MICAL3: variants seen among roughly 807,000 people sequenced by gnomAD.
MICAL3 encodes the protein [F-actin]-monooxygenase MICAL3.
A neutral mutation model predicts 207.4 loss-of-function variants in MICAL3; 62 were observed. The ratio of observed to expected loss-of-function variants is 0.30; its 90% CI spans 0.24 to 0.37. The LOEUF (loss-of-function observed/expected upper bound fraction) is 0.37. Among genes scored for constraint, MICAL3 ranks in the 10% least tolerant of loss-of-function variants. The pLI is 1.00. For synonymous variants in MICAL3, 1,077 were observed against 1,069.3 expected (o/e 1.01, Z -0.14); for missense variants, 2,368 against 2,635.6 (o/e 0.90, Z 2.22).
chr22:17,822,244 G>A (rs1025400672), intron 23 of MICAL3, 74 bp from the exon 24 acceptor site: 16 of 1,519,310 alleles, frequency 1.1e-5, no homozygotes, highest in Admixed American at 7.9e-5. Flanking sequence ...GAGAGCAGCC[G>A]CGCCACTTGC....
intron 1 of MICAL3, among the ~76,000 whole-genome samples, chr22:17,982,980 G>A (rs1935994301): frequency 6.6e-6 from 1 of 152,128 alleles, no homozygotes; most frequent in African/African-American, 2.4e-5. Context: ...AGTCCAAAAA[G>A]TACCTCAGAA....
At chr22:17,890,588 C>T (rs1349280609) in intron 12 of MICAL3, among the ~76,000 whole-genome samples, 3 of 152,206 alleles carry the variant, frequency 2.0e-5, no homozygotes, top group Non-Finnish European at 4.4e-5. Flanking sequence ...CACCAGAAAT[C>T]CCCATTTGTA....
chr22:17,929,663 G>C (rs575473472), intron 1 of MICAL3, among the ~76,000 whole-genome samples: 46 of 145,162 alleles, frequency 3.2e-4, no homozygotes, highest in African/African-American at 1.1e-3. Context: ...CGCCTCCCGG[G>C]TTCATGCCAT....
chr22:17,979,388 T>C (rs1486378322), intron 1 of MICAL3, among the ~76,000 whole-genome samples: 2 of 151,574 alleles, frequency 1.3e-5, no homozygotes, highest in African/African-American at 4.9e-5. Context: ...CTACTAAAAA[T>C]ACAAAAATTA....
At chr22:17,867,237 G>C (rs1179966985) in intron 17 of MICAL3, among the ~76,000 whole-genome samples, 1 of 99,604 alleles carries the variant, frequency 1.0e-5, no homozygotes. Context: ...TACTTTCTCA[G>C]ACAGAATGTT....
At chr22:17,996,978 C>G (rs924492844) in intron 1 of MICAL3, among the ~76,000 whole-genome samples, 4 of 151,474 alleles carry the variant, frequency 2.6e-5, no homozygotes, top group African/African-American at 7.2e-5. Context: ...GTCAGAGTAT[C>G]ACTCATTTCC....
chr22:17,902,338 T>C lies in MICAL3; in HGVS notation c.589+293A>G, dbSNP rs763998243. Among the ~76,000 whole-genome samples the C allele has an allele frequency of 3.3e-5, 5 of 152,202 alleles. No individual in the cohort carries two copies. The highest frequency in any genetic ancestry group is 9.6e-5 in the African/African-American group (4 of 41,454). On this transcript the variant is annotated intron_variant, in intron 4 of 31. Transcript: ENST00000441493. This position sits in a 1 kb window ranked among gnomAD's most constrained non-coding sequence, Gnocchi z 4.5. The stretch of plus-strand genomic sequence containing the variant: ...GCTCAGAGGTCACAGTGAGCCAAGA[T>C]TGAGCTACCGCACTCCAGGCTAGGC...
At position 17,906,664 on chromosome 22, in the gene MICAL3, T is replaced by C. The variant is rs747818071; in HGVS notation, c.149A>G (p.Tyr50Cys). Residue 50 changes from tyrosine (Y) to cysteine (C), a missense_variant, in exon 2 of 32, where the codon TAT becomes TGT. By Grantham distance (194) the Tyr-to-Cys change is radical. Coordinates refer to ENST00000441493, the MANE Select transcript of MICAL3 (RefSeq NM_015241.3). Reference sequence around the variant, plus strand: ...GTTAAGCTTGGACTTGAGCTTGTGATAGAAGGAGCGGTAGTCCTTTGGCTT... The same window carrying C: ...GTTAAGCTTGGACTTGAGCTTGTGACAGAAGGAGCGGTAGTCCTTTGGCTT... ...ELKPKDYRSF[Y>C]HKLKSKLNYW... The C allele has an allele frequency of 1.7e-5, 27 of 1,613,980 alleles. No individual in the cohort carries two copies. The highest frequency in any genetic ancestry group is 3.3e-5 in the Admixed American group (2 of 60,028).
intron 29 of MICAL3, among the ~76,000 whole-genome samples, chr22:17,799,119 C>T (rs887710161): frequency 6.6e-6 from 1 of 152,162 alleles, no homozygotes. Context: ...TGCGGTGGCT[C>T]ACACCTGTAA....
chr22:17,789,308 CAT>C lies in MICAL3; in HGVS notation c.*1422_*1423del, dbSNP rs1040505994. The C allele has an allele frequency of 7.9e-5, 12 of 152,272 alleles. No individual in the cohort carries two copies. The highest frequency in any genetic ancestry group is 1.4e-4 in the African/African-American group (6 of 41,456). 9.4% of individuals were successfully genotyped at this position (152,272 alleles called of 1,614,324 possible). On this transcript the variant is annotated 3_prime_UTR_variant, in exon 32 of 32. Transcript: ENST00000441493. The stretch of plus-strand genomic sequence containing the variant: ...GGGAGGAGGGAATTCTCACCAGCCA[CAT>C]GATTCCAGGGTCCCACCTTGCACCC...
At position 17,863,830 on chromosome 22, in the gene MICAL3, C is replaced by G. The variant is rs1265213703; in HGVS notation, c.2605+1069G>C. 3 of 985,358 alleles carry G rather than the reference C, an allele frequency of 3.0e-6. No individual in the cohort carries two copies. The East Asian group carries it at 3.4e-4, about 112-fold the overall frequency. 61.0% of individuals were successfully genotyped at this position (985,358 alleles called of 1,614,324 possible). A position where few individuals can be genotyped will look rare whatever the true frequency, so the allele number is the denominator to read the frequency against. The stretch of plus-strand genomic sequence containing the variant: ...CCAAATGGGTAATTCTCTTGTCCCA[C>G]CATGGAAATTCTATGACCAACTCCT... On this transcript the variant is annotated intron_variant, in intron 19 of 31. Coordinates refer to ENST00000441493, the MANE Select transcript of MICAL3 (RefSeq NM_015241.3).
At chr22:17,877,045 T>TGGAGGTTAG (rs1229150205) in intron 16 of MICAL3, among the ~76,000 whole-genome samples, 1 of 69,504 alleles carries the variant, frequency 1.4e-5, no homozygotes, top group Non-Finnish European at 3.0e-5. Context: ...AGGGAGGTTA[T>TGGAGGTTAG]GGAGGTTAGG....
chr22:17,853,199 C>A (rs1231554048), intron 19 of MICAL3, among the ~76,000 whole-genome samples: 1 of 152,198 alleles, frequency 6.6e-6, no homozygotes, highest in Non-Finnish European at 1.5e-5. Flanking sequence ...ACATCCCATT[C>A]ACGCAGGCTG....
At chr22:17,972,587 G>A (rs965490742) in intron 1 of MICAL3, among the ~76,000 whole-genome samples, 11 of 152,264 alleles carry the variant, frequency 7.2e-5, no homozygotes, top group African/African-American at 2.6e-4. Context: ...GGCCTTGGAG[G>A]CAGAAGGAAG....
Position 17,841,646 on chromosome 22 carries a change from G to A in MICAL3, c.2801+176C>T. On this transcript the variant is annotated intron_variant, in intron 20 of 31. Transcript: ENST00000441493. The surrounding 1 kb of genome is among the most constrained non-coding windows in gnomAD (Gnocchi z 4.2). ...TCTCTGAATTGAGTCTGATGGAGGA[G>A]TCCTCACTGACTAGAAGATGAGGCT... is the stretch of plus-strand genomic sequence containing the variant. 1.6e-6 allele frequency: 1 copy of A among 621,544 alleles called. No homozygotes were observed. Among genetic ancestry groups the A allele is most frequent in the Non-Finnish European group, 2.8e-6 (1 of 352,656 alleles). 38.5% of individuals were successfully genotyped at this position (621,544 alleles called of 1,614,324 possible). A position where few individuals can be genotyped will look rare whatever the true frequency, so the allele number is the denominator to read the frequency against.
At chr22:17,877,036 GGGAGGTTAT>G (rs202069342) in intron 16 of MICAL3, among the ~76,000 whole-genome samples, 5 of 52,078 alleles carry the variant, frequency 9.6e-5, no homozygotes, top group South Asian at 7.1e-4. Flanking sequence ...ATGGAGGTTA[GGGAGGTTAT>G]GGAGGTTAGG....
chr22:17,989,902 T>C (rs1921471266), intron 1 of MICAL3, among the ~76,000 whole-genome samples: 1 of 152,196 alleles, frequency 6.6e-6, no homozygotes, highest in Non-Finnish European at 1.5e-5. Flanking sequence ...CATCTATGCC[T>C]ATTTCATCCC....
chr22:17,810,441 GC>G (rs1342455219), intron 28 of MICAL3, among the ~76,000 whole-genome samples: 1 of 151,330 alleles, frequency 6.6e-6, no homozygotes, highest in Non-Finnish European at 1.5e-5. Context: ...GAAGTGATCC[GC>G]CTGCCTCAGC....
In MICAL3 at chr22:17,901,943, T is replaced by A; in HGVS notation, c.626A>T (p.His209Leu). ...GWRALVHPKT[H>L]PVSEYEFEVI... The stretch of plus-strand genomic sequence containing the variant: ...TTCAAATTCATACTCTGACACAGGA[T>A]GAGTCTTGGGGTGCACCAGTGCCCG... Residue 209 changes from histidine to leucine, a missense_variant, in exon 5 of 32, where the codon CAT becomes CTT. By Grantham distance (99) the His-to-Leu change is moderately conservative. Transcript: ENST00000441493. 6.2e-7 allele frequency: 1 copy of A among 1,613,794 alleles called. No homozygotes were observed. Among genetic ancestry groups the A allele is most frequent in the South Asian group, 1.1e-5 (1 of 91,048 alleles).
Sources: allele counts gnomAD v4.1 joint callset (sites outside exome capture counted in the v4.1 genomes callset), GRCh38; gene constraint gnomAD v4.1.1; non-coding constraint Gnocchi (gnomAD v3.1); transcripts MANE v1.5; gene names NCBI Gene and HGNC (gene_info 2026-07-23, HGNC 2026-07-21).